Variants in TMEM132B observed in about 807,000 individuals in gnomAD.
TMEM132B encodes transmembrane protein 132B.
In TMEM132B, 18 loss-of-function variants were observed where a neutral mutation model predicts 90.8. The observed-to-expected ratio is 0.20, with a 90% CI of 0.14 to 0.29. The LOEUF is 0.29. TMEM132B is among the 10% of genes least tolerant of loss of function. The probability of loss-of-function intolerance (pLI) is 1.00; values close to 1 mark genes in which losing one functional copy is unlikely to be tolerated. For missense variants in TMEM132B, 1,096 were observed against 1,326.8 expected, an observed-to-expected ratio of 0.83 and a Z score of 2.70; for synonymous variants, 504 against 523.3, an observed-to-expected ratio of 0.96 and a Z score of 0.50.
chr12:125,399,997 G>C (rs1017267266), intron 2 of TMEM132B, among the ~76,000 whole-genome samples: 2 of 152,156 alleles, frequency 1.3e-5, no homozygotes, highest in Admixed American at 6.5e-5. Context: ...CTTGGATGGG[G>C]TGGAGCAGAC....
At chr12:125,381,850 C>G (rs547693471) in intron 2 of TMEM132B, among the ~76,000 whole-genome samples, 2 of 152,150 alleles carry the variant, frequency 1.3e-5, no homozygotes, top group African/African-American at 4.8e-5. Flanking sequence ...GGAAGATATT[C>G]TATGGATGCC....
chr12:125,289,119 T>A (rs1875461321), intron 1 of TMEM132B, among the ~76,000 whole-genome samples: 1 of 152,220 alleles, frequency 6.6e-6, no homozygotes, highest in Non-Finnish European at 1.5e-5. Flanking sequence ...TTCTCAGCAA[T>A]GTGTGTCTTG....
At chr12:125,353,611 A>G (rs1294452224) in intron 2 of TMEM132B, among the ~76,000 whole-genome samples, 1 of 152,230 alleles carries the variant, frequency 6.6e-6, no homozygotes, top group Non-Finnish European at 1.5e-5. Context: ...AAGTGCTATT[A>G]TTATTCCCTT....
rs541777612 is a variant in TMEM132B at position 125,195,998 on chromosome 12, T to C, written c.67+9132T>C. 3.9e-5 allele frequency among the ~76,000 whole-genome samples: 6 copies of C among 152,248 alleles called. No individual in the cohort carries two copies. The South Asian group carries it at 1.0e-3, about 26-fold the overall frequency. ...TTGGTTAGAACTTTGAGTTTTACTCTGAGTGAGATGGGAGCTGTTGGCAGG... is the reference window on the plus strand; with the variant it reads ...TTGGTTAGAACTTTGAGTTTTACTCCGAGTGAGATGGGAGCTGTTGGCAGG... On this transcript the variant is annotated intron_variant, in intron 1 of 8. Transcript: ENST00000682704.
intron 2 of TMEM132B, among the ~76,000 whole-genome samples, chr12:125,371,311 G>C (rs1878285767): frequency 6.6e-6 from 1 of 152,208 alleles, no homozygotes; most frequent in African/African-American, 2.4e-5. Context: ...GAAACACCCA[G>C]ATAGATGCAG....
rs1881434142 is a variant in TMEM132B, at chr12:125,461,455, CT to C, written c.1106+45779del. ...GGGCTGGTACTGGCCCCGGGAGCCC[CT>C]GCCCCTCTAACCAGGAGATGCCCTC... On this transcript the variant is annotated intron_variant, in intron 3 of 8. Coordinates refer to ENST00000682704, the MANE Select transcript of TMEM132B (RefSeq NM_001366854.1). Among the ~76,000 whole-genome samples the C allele has an allele frequency of 1.3e-5, 2 of 152,216 alleles. 1 individual carries two copies. Among genetic ancestry groups the C allele is most frequent in the African/African-American group, 4.8e-5 (2 of 41,462 alleles).
At chr12:125,423,938 T>C (rs963965241) in intron 3 of TMEM132B, among the ~76,000 whole-genome samples, 2 of 152,230 alleles carry the variant, frequency 1.3e-5, no homozygotes, top group African/African-American at 2.4e-5. Context: ...TTACAAAAAT[T>C]GGTCAAAGTG....
At chr12:125,609,122 G>A (rs1885765239) in intron 5 of TMEM132B, among the ~76,000 whole-genome samples, 1 of 151,996 alleles carries the variant, frequency 6.6e-6, no homozygotes, top group African/African-American at 2.4e-5. Flanking sequence ...GAACATCATG[G>A]GGGAAACCAC....
intron 4 of TMEM132B, among the ~76,000 whole-genome samples, chr12:125,555,713 TAA>T (rs57444725): frequency 2.0e-5 from 3 of 149,188 alleles, no homozygotes; most frequent in Admixed American, 6.6e-5. Flanking sequence ...TAAAGTATAG[TAA>T]AAAAAAATAT....
chr12:125,582,477 T>C (rs1263799719), intron 4 of TMEM132B, among the ~76,000 whole-genome samples: 2 of 152,082 alleles, frequency 1.3e-5, no homozygotes, highest in African/African-American at 4.8e-5. Flanking sequence ...TGGGAGACAC[T>C]GAAATAATTA....
intron 1 of TMEM132B, among the ~76,000 whole-genome samples, chr12:125,324,075 C>T (rs1876496971): frequency 1.3e-5 from 2 of 152,146 alleles, no homozygotes; most frequent in Admixed American, 6.6e-5. Context: ...GAGGTGAACA[C>T]CTTCTTAACA....
intron 2 of TMEM132B, among the ~76,000 whole-genome samples, chr12:125,376,540 G>T (rs1428685901): frequency 6.6e-6 from 1 of 152,190 alleles, no homozygotes; most frequent in Non-Finnish European, 1.5e-5. Context: ...CCAGTGGCTA[G>T]CTGCCTGGGC....
intron 3 of TMEM132B, among the ~76,000 whole-genome samples, chr12:125,434,141 C>T (rs1880627499): frequency 2.6e-5 from 4 of 152,182 alleles, no homozygotes; most frequent in Admixed American, 1.3e-4. Flanking sequence ...CACCTTTTCC[C>T]GCTTGCAGGG....
chr12:125,231,147 C>T (rs377028836), intron 1 of TMEM132B, among the ~76,000 whole-genome samples: 1 of 152,080 alleles, frequency 6.6e-6, no homozygotes, highest in East Asian at 1.9e-4. Context: ...CAATCCTTGG[C>T]GTACCTTGGT....
intron 3 of TMEM132B, among the ~76,000 whole-genome samples, chr12:125,504,909 G>C (rs2136610301): frequency 6.6e-6 from 1 of 152,050 alleles, no homozygotes; most frequent in African/African-American, 2.4e-5. Context: ...AAAAGATCTA[G>C]AGAAAGAGAG....
chr12:125,483,382 C>G (rs1379352067), intron 3 of TMEM132B, among the ~76,000 whole-genome samples: 1 of 152,052 alleles, frequency 6.6e-6, no homozygotes, highest in African/African-American at 2.4e-5. Context: ...CCCATCATAT[C>G]TGTCTGTTCT....
chr12:125,243,829 A>C (rs1312017835), intron 1 of TMEM132B, among the ~76,000 whole-genome samples: 1 of 152,056 alleles, frequency 6.6e-6, no homozygotes, highest in Non-Finnish European at 1.5e-5. Context: ...GTTTCTGCAG[A>C]CCTGAACGAA....
chr12:125,402,096 C>T (rs983063253), intron 2 of TMEM132B, among the ~76,000 whole-genome samples: 5 of 152,178 alleles, frequency 3.3e-5, no homozygotes, highest in Non-Finnish European at 5.9e-5. Context: ...AAGAGCTTCA[C>T]GATACTCGGC....
chr12:125,435,588 A>G (rs1880676830), intron 3 of TMEM132B, among the ~76,000 whole-genome samples: 1 of 152,184 alleles, frequency 6.6e-6, no homozygotes, highest in Non-Finnish European at 1.5e-5. Flanking sequence ...AATTTACCGC[A>G]CTGAACAAAA....
Sources: gnomAD v4.1 joint callset for allele counts (sites outside exome capture counted in the v4.1 genomes callset) on GRCh38, gnomAD v4.1.1 for gene constraint, MANE v1.5 for transcripts, NCBI Gene and HGNC (gene_info 2026-07-23, HGNC 2026-07-21) for gene names.